The following SAP30L variants were observed in gnomAD, a reference collection of about 807,000 sequenced individuals.
SAP30L encodes the protein SAP30 like, also known as histone deacetylase complex subunit SAP30L.
SAP30L carries 10 observed loss-of-function variants against 22.3 expected under a neutral mutation model. The observed-to-expected ratio is 0.45, with a 90% CI of 0.28 to 0.76. The LOEUF (loss-of-function observed/expected upper bound fraction) is 0.76. Ranked by LOEUF, SAP30L falls within the 30% of genes least tolerant of loss-of-function variation. The pLI is 0.14. For missense variants in SAP30L, 206 were observed against 237.9 expected, an observed-to-expected ratio of 0.87 and a Z score of 0.88; for synonymous variants, 91 against 94.1, an observed-to-expected ratio of 0.97 and a Z score of 0.19.
At position 154,453,401 on chromosome 5, in the gene SAP30L, G is replaced by A. The variant is rs1299985984; in HGVS notation, c.325-1G>A. On this transcript the variant is annotated splice_acceptor_variant, in intron 2 of 3. Transcript: ENST00000297109. LOFTEE classifies it high-confidence loss of function. ...TAACATTTTTCTCCTCTTCTCCCTA[G>A]GTTGATCTGTTCCAGCTGCAGGTGA... 1.2e-6 allele frequency: 2 copies of A among 1,612,570 alleles called. No homozygotes were observed. The highest frequency in any genetic ancestry group is 1.1e-5 in the South Asian group (1 of 91,038).
chr5:154,446,647 CCCGCCGCCCCAGCTG>C lies in SAP30L; in HGVS notation c.54_68del (p.Ala19_Pro23del), dbSNP rs778692086. 3.3e-6 allele frequency: 5 copies of C among 1,535,666 alleles called. No homozygotes were observed. The highest frequency in any genetic ancestry group is 2.4e-5 in the South Asian group (2 of 83,004). ...GGAGGAGGACAGCCGCGAAGGGCCC[CCCGCCGCCCCAGCTG>C]CCGCCGCCCCGGGCTACGGCCAGAG... On this transcript the variant is annotated inframe_deletion, in exon 1 of 4. Coordinates refer to ENST00000297109, the MANE Select transcript of SAP30L (RefSeq NM_024632.6).
chr5:154,451,026 G>A (rs1031898439), intron 1 of SAP30L, 65 bp from the exon 2 acceptor site: 23 of 1,580,952 alleles, frequency 1.5e-5, no homozygotes, highest in South Asian at 3.3e-5. Context: ...CCCGCAATTC[G>A]ACAGATACCT....
rs1046810619 is a variant in SAP30L, at chr5:154,451,273, C to T, written c.324+60C>T. The T allele has an allele frequency of 2.2e-5, 34 of 1,557,316 alleles. No homozygotes were observed. The East Asian group carries it at 7.0e-4, about 32-fold the overall frequency. On this transcript the variant is annotated intron_variant, in intron 2 of 3. Transcript: ENST00000297109. ...AGAATGGATTCTAATCTGATTCTCACCTCTGGCCTGGTCTGCTTTTTGTGT... is the reference window on the plus strand; with the variant it reads ...AGAATGGATTCTAATCTGATTCTCATCTCTGGCCTGGTCTGCTTTTTGTGT...
At chr5:154,449,462 C>T (rs181815023) in intron 1 of SAP30L, among the ~76,000 whole-genome samples, 2 of 152,216 alleles carry the variant, frequency 1.3e-5, no homozygotes, top group East Asian at 1.9e-4. Context: ...GCTAGGATTC[C>T]GTTATTCTAT....
chr5:154,452,482 C>G (rs1267560427), intron 2 of SAP30L: 13 of 984,724 alleles, frequency 1.3e-5, no homozygotes, highest in African/African-American at 1.8e-5. Context: ...GAAGCAAGAA[C>G]AGCTCTTTTA....
At chr5:154,452,358 T>G (rs988564306) in intron 2 of SAP30L, 2 of 408,472 alleles carry the variant, frequency 4.9e-6, no homozygotes, top group African/African-American at 3.4e-5. Context: ...TTCTAAGTGG[T>G]TTTCACCAAA....
intron 2 of SAP30L, among the ~76,000 whole-genome samples, chr5:154,451,555 T>TA (rs397775424): frequency 2.1e-4 from 32 of 151,934 alleles, no homozygotes; most frequent in South Asian, 1.5e-3. Flanking sequence ...CACTTTTTTT[T>TA]AAACCTTGTT....
chr5:154,452,383 G>A (rs10062784), intron 2 of SAP30L: 3 of 445,844 alleles, frequency 6.7e-6, no homozygotes, highest in Non-Finnish European at 5.6e-6. Context: ...AAAAAAAAAA[G>A]GTTTTGAGGA....
At chr5:154,448,216 T>C (rs1757065968) in intron 1 of SAP30L, among the ~76,000 whole-genome samples, 1 of 152,174 alleles carries the variant, frequency 6.6e-6, no homozygotes, top group Non-Finnish European at 1.5e-5. Context: ...CCTCAAATGA[T>C]CCACCCGCCT....
At chr5:154,452,859 C>T (rs1757177369) in intron 2 of SAP30L, among the ~76,000 whole-genome samples, 1 of 149,592 alleles carries the variant, frequency 6.7e-6, no homozygotes, top group African/African-American at 2.5e-5. Flanking sequence ...AGCATCACTG[C>T]CCCTCCAAAG....
chr5:154,447,091 G>A (rs1757034339), intron 1 of SAP30L, among the ~76,000 whole-genome samples: 1 of 152,290 alleles, frequency 6.6e-6, no homozygotes, highest in African/African-American at 2.4e-5. Flanking sequence ...AGACTTTAGA[G>A]CAGGGAGAGG....
chr5:154,458,552 T>TG lies in SAP30L; in HGVS notation c.*2525dup, dbSNP rs1410417114. The stretch of plus-strand genomic sequence containing the variant: ...TTTTATACCATCCATCAAGGACTCT[T>TG]GCGCTTCTCTCCACCTGTGACGTAG... On this transcript the variant is annotated 3_prime_UTR_variant, in exon 4 of 4. Transcript: ENST00000297109. The TG allele has an allele frequency of 6.6e-6, 1 of 152,194 alleles. No individual in the cohort carries two copies. The highest frequency in any genetic ancestry group is 1.5e-5 in the Non-Finnish European group (1 of 68,062). The allele number at this position is 152,194 out of a possible 1,614,324, so 9.4% of individuals were successfully genotyped here.
chr5:154,448,901 T>A (rs1278318728), intron 1 of SAP30L, among the ~76,000 whole-genome samples: 1 of 152,174 alleles, frequency 6.6e-6, no homozygotes, highest in East Asian at 1.9e-4. Flanking sequence ...TATTTCTTTC[T>A]CACAGGCTTG....
At chr5:154,450,138 T>C (rs773774932) in intron 1 of SAP30L, among the ~76,000 whole-genome samples, 1 of 152,234 alleles carries the variant, frequency 6.6e-6, no homozygotes, top group Non-Finnish European at 1.5e-5. Context: ...TTGCTGGGCA[T>C]TCAGTTTCTG....
At chr5:154,453,301 ATCC>A (rs1757190821) in intron 2 of SAP30L, 98 bp from the exon 3 acceptor site, 8 of 793,290 alleles carry the variant, frequency 1.0e-5, no homozygotes, top group Non-Finnish European at 1.7e-5. Context: ...AGCCCTCCCC[ATCC>A]TCACCCCTAC....
chr5:154,446,127 GGCCGGGCCCCGCGCGAGGAGGCCGCGC>G lies in SAP30L; in HGVS notation c.-477_-451del. ...CGGGGCCCGGGTGCCGCGGGTTCGA[GGCCGGGCCCCGCGCGAGGAGGCCGCGC>G]CACCCCGGGGGAGCTGCCCGGCAGC... On this transcript the variant is annotated 5_prime_UTR_variant, in exon 1 of 4. Transcript: ENST00000297109. 1 of 151,564 alleles carries G rather than the reference GGCCGGGCCCCGCGCGAGGAGGCCGCGC, an allele frequency of 6.6e-6. No individual in the cohort carries two copies. The highest frequency in any genetic ancestry group is 2.0e-4 in the East Asian group (1 of 5,128). The allele number at this position is 151,564 out of a possible 1,614,324, so 9.4% of individuals were successfully genotyped here. A position where few individuals can be genotyped will look rare whatever the true frequency, so the allele number is the denominator to read the frequency against.
intron 2 of SAP30L, chr5:154,452,365 CAAAAAAA>C (rs34765495): frequency 4.8e-5 from 11 of 229,018 alleles, no homozygotes; most frequent in Non-Finnish European, 5.9e-5. Context: ...TGGTTTTCAC[CAAAAAAA>C]AAAAAAAAAA....
At chr5:154,450,172 A>C (rs1757108931) in intron 1 of SAP30L, among the ~76,000 whole-genome samples, 1 of 152,210 alleles carries the variant, frequency 6.6e-6, no homozygotes, top group Non-Finnish European at 1.5e-5. Context: ...TGGTTCCTCC[A>C]GCCAGCCTTG....
chr5:154,450,102 T>C (rs1455948825), intron 1 of SAP30L, among the ~76,000 whole-genome samples: 1 of 152,248 alleles, frequency 6.6e-6, no homozygotes. Context: ...GCAACAGCTG[T>C]TTCAGTATCA....
Sources: allele counts gnomAD v4.1 joint callset (sites outside exome capture counted in the v4.1 genomes callset), GRCh38; gene constraint gnomAD v4.1.1; transcripts MANE v1.5; gene names NCBI Gene and HGNC (gene_info 2026-07-23, HGNC 2026-07-21).